RARB: variants seen among roughly 807,000 people sequenced by gnomAD.
The protein encoded by RARB is retinoic acid receptor beta.
RARB carries 17 observed loss-of-function variants against 51.9 expected under a neutral mutation model. The ratio of observed to expected loss-of-function variants is 0.33; its 90% CI spans 0.22 to 0.49. The LOEUF (loss-of-function observed/expected upper bound fraction) is 0.49, where lower values mean the gene tolerates loss of function less well. RARB is among the 20% of genes least tolerant of loss of function. The pLI is 0.99. For missense variants in RARB, 369 were observed against 550.8 expected (o/e 0.67, Z 3.30); for synonymous variants, 215 against 195.4 (o/e 1.10, Z -0.84).
chr3:25,194,012 T>A (rs1499644), intron 5 of RARB, among the ~76,000 whole-genome samples: 3 of 151,860 alleles, frequency 2.0e-5, no homozygotes, highest in Non-Finnish European at 4.4e-5. Context: ...AGCCTAGGTG[T>A]CCATTAACTG....
chr3:24,982,315 C>A (rs745881900), intron 2 of RARB, among the ~76,000 whole-genome samples: 5 of 152,224 alleles, frequency 3.3e-5, no homozygotes, highest in African/African-American at 1.2e-4. Context: ...CCAGCCTAAT[C>A]TTTATCCAAA....
In RARB at chr3:25,428,411, C is replaced by G. The variant is rs769499640; in HGVS notation, c.-321C>G. On this transcript the variant is annotated 5_prime_UTR_variant, in exon 1 of 8. Coordinates refer to ENST00000330688, the MANE Select transcript of RARB (RefSeq NM_000965.5). ...CGAGCAGGGTTTGTCTGGGCACCGT[C>G]GGGGTAGGATCCGGAACGCATTCGG... 1.6e-4 allele frequency: 202 copies of G among 1,268,432 alleles called. No homozygotes were observed. Among genetic ancestry groups the G allele is most frequent in the Non-Finnish European group, 1.9e-4 (195 of 1,009,270 alleles). 78.6% of individuals were successfully genotyped at this position (1,268,432 alleles called of 1,614,324 possible). A position where few individuals can be genotyped will look rare whatever the true frequency, so the allele number is the denominator to read the frequency against.
intron 2 of RARB, among the ~76,000 whole-genome samples, chr3:24,917,303 G>GA (rs1369463775): frequency 6.6e-6 from 1 of 151,908 alleles, no homozygotes; most frequent in East Asian, 1.9e-4. Context: ...ATTCATAGAG[G>GA]AAAAAAACTG....
intron 5 of RARB, among the ~76,000 whole-genome samples, chr3:25,242,398 G>A (rs1383619985): frequency 1.3e-5 from 2 of 152,040 alleles, no homozygotes; most frequent in South Asian, 2.1e-4. Flanking sequence ...TGTTCTGAAC[G>A]GTATTGCCTA....
intron 5 of RARB, among the ~76,000 whole-genome samples, chr3:25,232,647 G>C (rs938769365): frequency 2.0e-5 from 3 of 151,780 alleles, no homozygotes; most frequent in African/African-American, 7.3e-5. Flanking sequence ...TTAAAATCTT[G>C]ACTTCCAAGT....
At position 25,593,390 on chromosome 3, in the gene RARB, C is replaced by T. The variant is rs529178969; in HGVS notation, c.787-113C>T. The T allele has an allele frequency of 3.1e-6, 3 of 955,884 alleles. No individual in the cohort carries two copies. The South Asian group carries it at 4.7e-5, about 15-fold the overall frequency. The allele number at this position is 955,884 out of a possible 1,614,324, so 59.2% of individuals were successfully genotyped here. On this transcript the variant is annotated intron_variant, in intron 5 of 7. Coordinates refer to ENST00000330688, the MANE Select transcript of RARB (RefSeq NM_000965.5). ...AGACATTCAACATGTGAAAGGGGGA[C>T]AGACTGCCCCAAGAGCTCCTTGGAA... is the stretch of plus-strand genomic sequence containing the variant.
chr3:24,939,137 G>A (rs962119817), intron 2 of RARB, among the ~76,000 whole-genome samples: 2 of 152,018 alleles, frequency 1.3e-5, no homozygotes, highest in African/African-American at 4.8e-5. Flanking sequence ...CGTGCACCAC[G>A]ATATCTGGCT....
chr3:25,148,891 C>T (rs1401540520), intron 4 of RARB, among the ~76,000 whole-genome samples: 3 of 151,978 alleles, frequency 2.0e-5, no homozygotes, highest in Admixed American at 6.6e-5. Context: ...GGCTTCTTCC[C>T]CTATCTTTTT....
chr3:25,311,570 T>C (rs1704290477), intron 5 of RARB, among the ~76,000 whole-genome samples: 1 of 152,224 alleles, frequency 6.6e-6, no homozygotes, highest in Admixed American at 6.5e-5. Context: ...CATTCCCTAT[T>C]GGTGGCAGAT....
Position 25,428,860 on chromosome 3 carries a change from C to A in RARB, c.129C>A (p.Thr43=), listed in dbSNP as rs201745230. 64 of 1,612,936 alleles carry A rather than the reference C, an allele frequency of 4.0e-5. No homozygotes were observed. Among genetic ancestry groups the A allele is most frequent in the Non-Finnish European group, 5.3e-5 (63 of 1,179,192 alleles). Residue 43 remains threonine, a synonymous_variant, in exon 1 of 8, where the codon ACC becomes ACA. Transcript: ENST00000330688. ...LKACFSGLTQ[T]EWQHRHTAQS... ...CATGCTTCAGTGGATTGACCCAAAC[C>A]GAATGGCAGCATCGGCACACTGCTC... is the stretch of plus-strand genomic sequence containing the variant.
chr3:25,380,475 T>G (rs1279563239), intron 5 of RARB, among the ~76,000 whole-genome samples: 1 of 152,198 alleles, frequency 6.6e-6, no homozygotes, highest in Admixed American at 6.5e-5. Context: ...TGTGACCATT[T>G]CCCTGACCCA....
intron 2 of RARB, among the ~76,000 whole-genome samples, chr3:25,494,513 G>A (rs934010774): frequency 1.3e-5 from 2 of 152,156 alleles, no homozygotes; most frequent in Non-Finnish European, 2.9e-5. Flanking sequence ...ATGTGGATCA[G>A]GCACTACAGT....
intron 2 of RARB, among the ~76,000 whole-genome samples, chr3:24,962,929 G>A (rs1378746808): frequency 6.6e-6 from 1 of 152,172 alleles, no homozygotes; most frequent in Non-Finnish European, 1.5e-5. Flanking sequence ...ATGAGGAACT[G>A]ACACAGAGTG....
chr3:25,030,948 A>G (rs1697860902), intron 2 of RARB, among the ~76,000 whole-genome samples: 1 of 152,172 alleles, frequency 6.6e-6, no homozygotes, highest in Non-Finnish European at 1.5e-5. Flanking sequence ...ATCCCCAGGT[A>G]TTTACTCTGG....
chr3:25,422,067 G>A (rs1418537245), intron 5 of RARB, among the ~76,000 whole-genome samples: 1 of 152,160 alleles, frequency 6.6e-6, no homozygotes, highest in Non-Finnish European at 1.5e-5. Context: ...TAATGTGACT[G>A]AGAACTCATT....
At chr3:25,171,371 G>A (rs1394628141) in intron 4 of RARB, among the ~76,000 whole-genome samples, 1 of 146,544 alleles carries the variant, frequency 6.8e-6, no homozygotes, top group Non-Finnish European at 1.5e-5. Context: ...TCACATATGT[G>A]AACATAGACC....
At chr3:25,058,361 G>T (rs772596619) in intron 2 of RARB, among the ~76,000 whole-genome samples, 18 of 151,730 alleles carry the variant, frequency 1.2e-4, no homozygotes, top group Non-Finnish European at 1.6e-4. Flanking sequence ...TGCCACAAAA[G>T]GGTCTTTATA....
chr3:25,151,804 T>G (rs1223102807), intron 4 of RARB, among the ~76,000 whole-genome samples: 1 of 152,234 alleles, frequency 6.6e-6, no homozygotes, highest in Admixed American at 6.5e-5. Context: ...TTCTGTTTAG[T>G]TTCCCATCAG....
intron 2 of RARB, among the ~76,000 whole-genome samples, chr3:25,008,226 G>T (rs1697317086): frequency 6.6e-6 from 1 of 152,096 alleles, no homozygotes; most frequent in Non-Finnish European, 1.5e-5. Context: ...TTTTGGCAGG[G>T]CTTGTACATT....
Sources: gnomAD v4.1 joint callset for allele counts (sites outside exome capture counted in the v4.1 genomes callset) on GRCh38, gnomAD v4.1.1 for gene constraint, MANE v1.5 for transcripts, NCBI Gene and HGNC (gene_info 2026-07-23, HGNC 2026-07-21) for gene names.